PBX4: variants seen among roughly 807,000 people sequenced by gnomAD.
PBX4 encodes the protein pre-B-cell leukemia transcription factor 4.
PBX4 carries 26 observed loss-of-function variants against 35.1 expected under a neutral mutation model. That is an observed-to-expected ratio of 0.74 (90% confidence interval 0.54 to 1.03). The LOEUF (loss-of-function observed/expected upper bound fraction) is 1.03, where lower values mean the gene tolerates loss of function less well. Ranked by LOEUF, PBX4 falls within the 50% of genes least tolerant of loss-of-function variation. The pLI is 0.00. For synonymous variants in PBX4, 199 were observed against 204.2 expected, an observed-to-expected ratio of 0.97 and a Z score of 0.22; for missense variants, 448 against 504.3, an observed-to-expected ratio of 0.89 and a Z score of 1.07.
At position 19,605,053 on chromosome 19, in the gene PBX4, T is replaced by TA. The variant is rs564421378; in HGVS notation, c.120-5689dup. Among the ~76,000 whole-genome samples the TA allele has an allele frequency of 3.3e-5, 5 of 151,726 alleles. No homozygotes were observed. In the East Asian group the frequency reaches 5.8e-4, roughly 18 times the overall value. ...TTCTGGAAATTTAACTTTTTCTCTT[T>TA]AAAAAAAATATATTTTAATATAAAA... On this transcript the variant is annotated intron_variant, in intron 1 of 7. Transcript: ENST00000251203.
At chr19:19,566,700 CTTTTTT>C (rs34778928) in intron 5 of PBX4, among the ~76,000 whole-genome samples, 2 of 97,942 alleles carry the variant, frequency 2.0e-5, no homozygotes, top group African/African-American at 8.5e-5. Context: ...AATTTTTGTA[CTTTTTT>C]TTTTTTTTTT....
At chr19:19,588,260 A>G (rs2061503153) in intron 2 of PBX4, 1 of 1,274,238 alleles carries the variant, frequency 7.8e-7, no homozygotes. Flanking sequence ...CCCCGGTAAG[A>G]TCCATAGTTA....
intron 1 of PBX4, among the ~76,000 whole-genome samples, chr19:19,617,437 C>T (rs2144803318): frequency 6.6e-6 from 1 of 152,234 alleles, no homozygotes; most frequent in South Asian, 2.1e-4. Flanking sequence ...CATCATCACA[C>T]CTAACTAATT....
intron 1 of PBX4, among the ~76,000 whole-genome samples, chr19:19,615,644 C>A (rs1042079528): frequency 6.6e-6 from 1 of 152,172 alleles, no homozygotes; most frequent in Non-Finnish European, 1.5e-5. Flanking sequence ...GTAATCCCAG[C>A]ACTTTGGGAG....
chr19:19,590,358 A>G (rs1393032336), intron 2 of PBX4, among the ~76,000 whole-genome samples: 2 of 152,078 alleles, frequency 1.3e-5, no homozygotes, highest in Admixed American at 1.3e-4. Context: ...CCTACCCAGC[A>G]TCATGTTTTC....
chr19:19,615,824 A>T (rs994003870), intron 1 of PBX4, among the ~76,000 whole-genome samples: 3 of 152,150 alleles, frequency 2.0e-5, no homozygotes, highest in African/African-American at 7.2e-5. Flanking sequence ...CGGGAGGCAG[A>T]GGTTGCAGTG....
intron 1 of PBX4, among the ~76,000 whole-genome samples, chr19:19,601,142 A>G (rs1349818016): frequency 6.6e-6 from 1 of 152,230 alleles, no homozygotes; most frequent in African/African-American, 2.4e-5. Context: ...GGGTCACATG[A>G]CAGTGATGGT....
rs914359920 is a variant in PBX4 at position 19,563,676 on chromosome 19, C to T, written c.926-61G>A. On this transcript the variant is annotated intron_variant, in intron 6 of 7. Transcript: ENST00000251203. The surrounding 1 kb of genome is among the most constrained non-coding windows in gnomAD (Gnocchi z 5.1). ...GGCGCCTCCTCAGGTGGAACCCACC[C>T]AGCCCCTCAGCCGGCAGGAGGCCTC... 2.9e-6 allele frequency: 4 copies of T among 1,388,104 alleles called. No homozygotes were observed. The highest frequency in any genetic ancestry group is 3.0e-6 in the Non-Finnish European group (3 of 1,002,244). The allele number at this position is 1,388,104 out of a possible 1,614,324, so 86.0% of individuals were successfully genotyped here.
At chr19:19,613,425 G>A (rs1411029619) in intron 1 of PBX4, among the ~76,000 whole-genome samples, 9 of 139,790 alleles carry the variant, frequency 6.4e-5, no homozygotes, top group Admixed American at 1.6e-4. Flanking sequence ...CCAAGAACAC[G>A]CCAGAGCGAG....
At chr19:19,615,632 C>T (rs2061685186) in intron 1 of PBX4, among the ~76,000 whole-genome samples, 2 of 152,182 alleles carry the variant, frequency 1.3e-5, no homozygotes, top group Admixed American at 1.3e-4. Flanking sequence ...TAGTTCACGC[C>T]TGTAATCCCA....
At position 19,562,207 on chromosome 19, in the gene PBX4, C is replaced by A; in HGVS notation, c.1033-90G>T. ...TGCTGCAGGCGGAGCCTCCAGGGGT[C>A]CCTGGGAAGGCTTGGAAAAGATCCA... On this transcript the variant is annotated intron_variant, in intron 7 of 7. Coordinates refer to ENST00000251203, the MANE Select transcript of PBX4 (RefSeq NM_025245.3). The surrounding 1 kb of genome is among the most constrained non-coding windows in gnomAD (Gnocchi z 4.8). 1.1e-6 allele frequency: 1 copy of A among 943,222 alleles called. No homozygotes were observed. 58.4% of individuals were successfully genotyped at this position (943,222 alleles called of 1,614,324 possible). A position where few individuals can be genotyped will look rare whatever the true frequency, so the allele number is the denominator to read the frequency against.
At chr19:19,611,246 T>C (rs2061661348) in intron 1 of PBX4, among the ~76,000 whole-genome samples, 1 of 152,156 alleles carries the variant, frequency 6.6e-6, no homozygotes, top group Non-Finnish European at 1.5e-5. Context: ...GTTTAAAGGA[T>C]AGTCAAAATC....
chr19:19,587,646 T>C (rs898484635), intron 2 of PBX4, among the ~76,000 whole-genome samples: 2 of 149,020 alleles, frequency 1.3e-5, no homozygotes, highest in African/African-American at 4.9e-5. Flanking sequence ...TTCTGATAGC[T>C]TCCCACCACA....
intron 2 of PBX4, among the ~76,000 whole-genome samples, chr19:19,589,801 G>A (rs1381713013): frequency 2.6e-5 from 4 of 151,966 alleles, no homozygotes; most frequent in South Asian, 2.1e-4. Flanking sequence ...TAGTATCTAC[G>A]GTGTGCCAAT....
chr19:19,576,984 G>A (rs192513808), intron 2 of PBX4, among the ~76,000 whole-genome samples: 1 of 152,156 alleles, frequency 6.6e-6, no homozygotes, highest in Non-Finnish European at 1.5e-5. Context: ...TCAAATTACA[G>A]TGAGAGGCTG....
chr19:19,611,452 G>A (rs944591701), intron 1 of PBX4, among the ~76,000 whole-genome samples: 4 of 151,516 alleles, frequency 2.6e-5, no homozygotes, highest in East Asian at 1.9e-4. Context: ...AGGCCGAGGC[G>A]GGCAGATCAT....
intron 2 of PBX4, among the ~76,000 whole-genome samples, chr19:19,581,622 C>G (rs1336608616): frequency 1.3e-5 from 2 of 152,114 alleles, no homozygotes; most frequent in Admixed American, 6.6e-5. Flanking sequence ...GAGAAAACAC[C>G]AGGACACCAA....
intron 2 of PBX4, among the ~76,000 whole-genome samples, chr19:19,586,863 G>A (rs762719084): frequency 2.0e-5 from 3 of 151,572 alleles, no homozygotes; most frequent in Non-Finnish European, 2.9e-5. Flanking sequence ...CCCAGGAGGT[G>A]AAGGTTACAG....
chr19:19,600,801 A>T (rs142463761), intron 1 of PBX4, among the ~76,000 whole-genome samples: 493 of 140,094 alleles, frequency 3.5e-3, no homozygotes, highest in Non-Finnish European at 5.4e-3. Flanking sequence ...TGGGCAACAG[A>T]GAGAGACTCC....
Sources: gnomAD v4.1 joint callset for allele counts (sites outside exome capture counted in the v4.1 genomes callset) on GRCh38, gnomAD v4.1.1 for gene constraint, Gnocchi (gnomAD v3.1) non-coding constraint, MANE v1.5 for transcripts, NCBI Gene and HGNC (gene_info 2026-07-23, HGNC 2026-07-21) for gene names.